The following SLC1A1 variants were observed in gnomAD, a reference collection of about 807,000 sequenced individuals.
SLC1A1 encodes excitatory amino acid transporter 3.
A neutral mutation model predicts 53.3 loss-of-function variants in SLC1A1; 43 were observed. The ratio of observed to expected loss-of-function variants is 0.81; its 90% CI spans 0.63 to 1.04. The LOEUF is 1.04. SLC1A1 is among the 50% of genes least tolerant of loss of function. SLC1A1 has a pLI of 0.00. For missense variants in SLC1A1, 748 were observed against 664.9 expected (o/e 1.12, Z -1.37); for synonymous variants, 307 against 243.2 (o/e 1.26, Z -2.44).
At chr9:4,512,386 T>G (rs1417843637) in intron 1 of SLC1A1, among the ~76,000 whole-genome samples, 1 of 152,038 alleles carries the variant, frequency 6.6e-6, no homozygotes, top group Non-Finnish European at 1.5e-5. Flanking sequence ...CATGCGCCTG[T>G]AGTCCCAGCT....
chr9:4,526,267 T>C (rs777213648), intron 1 of SLC1A1, among the ~76,000 whole-genome samples: 3 of 152,152 alleles, frequency 2.0e-5, no homozygotes, highest in Non-Finnish European at 4.4e-5. Flanking sequence ...TTTAGACATA[T>C]AGAAAACAAA....
At chr9:4,560,894 G>A (rs1586795034) in intron 2 of SLC1A1, among the ~76,000 whole-genome samples, 2 of 152,132 alleles carry the variant, frequency 1.3e-5, no homozygotes, top group African/African-American at 4.8e-5. Context: ...TACTCGGGAA[G>A]CTGAGGAAGG....
chr9:4,500,086 G>C (rs1222012110), intron 1 of SLC1A1, among the ~76,000 whole-genome samples: 1 of 152,134 alleles, frequency 6.6e-6, no homozygotes, highest in Non-Finnish European at 1.5e-5. Flanking sequence ...GAAAATAACT[G>C]TCCTAGGGAG....
At chr9:4,561,816 G>A (rs539071689) in intron 3 of SLC1A1, among the ~76,000 whole-genome samples, 3 of 152,128 alleles carry the variant, frequency 2.0e-5, no homozygotes, top group African/African-American at 7.2e-5. Flanking sequence ...ACTTGAACCT[G>A]GCAGACAGAC....
chr9:4,584,105 C>G (rs982595815), intron 11 of SLC1A1, among the ~76,000 whole-genome samples: 1 of 152,234 alleles, frequency 6.6e-6, no homozygotes. Flanking sequence ...TGCTCAGAAC[C>G]AGCTCAGGCT....
chr9:4,497,352 G>GC (rs575311050), intron 1 of SLC1A1, among the ~76,000 whole-genome samples: 36 of 152,068 alleles, frequency 2.4e-4, no homozygotes, highest in Admixed American at 5.9e-4. Flanking sequence ...ATCCTCTCCC[G>GC]CTGCTGTGTG....
chr9:4,575,977 T>G (rs1820506845), intron 8 of SLC1A1, 24 bp from the exon 9 acceptor site: 1 of 1,613,030 alleles, frequency 6.2e-7, no homozygotes. Flanking sequence ...CTTTGAAACT[T>G]TAATTTCTCT....
chr9:4,583,200 G>A lies in SLC1A1; in HGVS notation c.1328+28G>A. ...GAGTTGGAATAAATGCACTGCCTTAGCTGGATGTGCAGGCGGGCTTCCCAG... is the reference window on the plus strand; with the variant it reads ...GAGTTGGAATAAATGCACTGCCTTAACTGGATGTGCAGGCGGGCTTCCCAG... On this transcript the variant is annotated intron_variant, in intron 11 of 11. Transcript: ENST00000262352. The surrounding 1 kb of genome is among the most constrained non-coding windows in gnomAD (Gnocchi z 4.6). The A allele has an allele frequency of 6.2e-7, 1 of 1,613,870 alleles. No individual in the cohort carries two copies. Among genetic ancestry groups the A allele is most frequent in the Non-Finnish European group, 8.5e-7 (1 of 1,179,756 alleles).
intron 1 of SLC1A1, among the ~76,000 whole-genome samples, chr9:4,540,134 T>G (rs2130870400): frequency 6.6e-6 from 1 of 152,148 alleles, no homozygotes; most frequent in African/African-American, 2.4e-5. Flanking sequence ...GAGAAGCAGC[T>G]AGACATTGGA....
At chr9:4,505,046 T>TTTC (rs142051029) in intron 1 of SLC1A1, among the ~76,000 whole-genome samples, 59 of 23,092 alleles carry the variant, frequency 2.6e-3, no homozygotes, top group African/African-American at 0.013. Flanking sequence ...CATATATTTC[T>TTTC]TTTTTTTTTT....
chr9:4,526,840 T>A (rs763316698), intron 1 of SLC1A1, among the ~76,000 whole-genome samples: 26 of 151,802 alleles, frequency 1.7e-4, no homozygotes, highest in Non-Finnish European at 1.0e-4. Flanking sequence ...AGATTGCTAC[T>A]TCTTGGCAAA....
chr9:4,570,032 G>A (rs1819875344), intron 6 of SLC1A1, among the ~76,000 whole-genome samples: 1 of 152,152 alleles, frequency 6.6e-6, no homozygotes, highest in Non-Finnish European at 1.5e-5. Flanking sequence ...TTCAAGCAGG[G>A]TGCAAAGGCC....
intron 1 of SLC1A1, 89 bp downstream of exon 1, chr9:4,490,859 G>C: frequency 8.8e-7 from 1 of 1,131,694 alleles, no homozygotes; most frequent in Non-Finnish European, 1.3e-6. Flanking sequence ...CTTGGCGCTG[G>C]CGCACTCCAT....
At chr9:4,498,998 G>T (rs140861217) in intron 1 of SLC1A1, among the ~76,000 whole-genome samples, 2 of 124,276 alleles carry the variant, frequency 1.6e-5, no homozygotes, top group Admixed American at 7.8e-5. Flanking sequence ...TTATATATAA[G>T]ATTATATATT....
At chr9:4,523,348 TTTTC>T (rs1816151358) in intron 1 of SLC1A1, among the ~76,000 whole-genome samples, 2 of 147,810 alleles carry the variant, frequency 1.4e-5, no homozygotes, top group South Asian at 2.1e-4. Context: ...ACCAAATGCC[TTTTC>T]TTTTTTTTTT....
chr9:4,535,836 G>A (rs1816653935), intron 1 of SLC1A1, among the ~76,000 whole-genome samples: 1 of 152,130 alleles, frequency 6.6e-6, no homozygotes, highest in Admixed American at 6.5e-5. Context: ...AACCAAAACA[G>A]CATGGTACTG....
intron 3 of SLC1A1, among the ~76,000 whole-genome samples, chr9:4,563,156 AAAG>A (rs1554685684): frequency 1.3e-5 from 2 of 151,844 alleles, no homozygotes; most frequent in African/African-American, 2.4e-5. Context: ...GAAAAAAAAA[AAAG>A]AAGAATGCCC....
intron 1 of SLC1A1, among the ~76,000 whole-genome samples, chr9:4,544,036 G>A (rs544439484): frequency 6.6e-6 from 1 of 152,118 alleles, no homozygotes; most frequent in South Asian, 2.1e-4. Context: ...AAATTAGCTG[G>A]ACATGGTGGT....
intron 1 of SLC1A1, among the ~76,000 whole-genome samples, chr9:4,544,047 G>A (rs1817243617): frequency 6.6e-6 from 1 of 152,054 alleles, no homozygotes. Flanking sequence ...ACATGGTGGT[G>A]CGCATATAGT....
Sources: allele counts gnomAD v4.1 joint callset (sites outside exome capture counted in the v4.1 genomes callset), GRCh38; gene constraint gnomAD v4.1.1; non-coding constraint Gnocchi (gnomAD v3.1); transcripts MANE v1.5; gene names NCBI Gene and HGNC (gene_info 2026-07-23, HGNC 2026-07-21).